Variants in STK3 observed in about 807,000 individuals in gnomAD.
The protein encoded by STK3 is serine/threonine-protein kinase 3.
STK3 carries 41 observed loss-of-function variants against 58.0 expected under a neutral mutation model. That is an observed-to-expected ratio of 0.71 (90% CI 0.55 to 0.92). STK3 has a LOEUF of 0.92. STK3 is among the 40% of genes least tolerant of loss of function. The pLI is 0.00. For missense variants in STK3, 479 were observed against 602.7 expected (o/e 0.79, Z 2.15); for synonymous variants, 170 against 191.0 (o/e 0.89, Z 0.91).
chr8:98,941,220 T>C (rs1193924989), intron 1 of STK3, among the ~76,000 whole-genome samples: 3 of 152,226 alleles, frequency 2.0e-5, no homozygotes, highest in Admixed American at 6.5e-5. Flanking sequence ...GACGCGCTGT[T>C]TTAAAAGATA....
chr8:98,463,312 C>T (rs1254593618), intron 10 of STK3, among the ~76,000 whole-genome samples: 1 of 151,782 alleles, frequency 6.6e-6, no homozygotes, highest in East Asian at 1.9e-4. Flanking sequence ...TAGTGATAGC[C>T]CTTGATAATT....
chr8:98,840,219 A>G (rs1835913257), intron 3 of STK3, among the ~76,000 whole-genome samples: 1 of 151,586 alleles, frequency 6.6e-6, no homozygotes, highest in Non-Finnish European at 1.5e-5. Context: ...ATAGTGGTGC[A>G]TATCAGTAAT....
intron 3 of STK3, among the ~76,000 whole-genome samples, chr8:98,876,602 C>A (rs544034825): frequency 1.2e-3 from 182 of 152,230 alleles, no homozygotes; most frequent in African/African-American, 3.7e-3. Context: ...CACTACACTG[C>A]GGCTCCACAA....
chr8:98,940,222 C>G (rs1022810958), intron 1 of STK3, among the ~76,000 whole-genome samples: 2 of 152,222 alleles, frequency 1.3e-5, no homozygotes, highest in Admixed American at 1.3e-4. Flanking sequence ...GCCCGCTCCT[C>G]CCCCGGGACC....
chr8:98,822,687 T>A, intron 1 of STK3, among the ~76,000 whole-genome samples: 1 of 151,994 alleles, frequency 6.6e-6, no homozygotes, highest in East Asian at 1.9e-4. Flanking sequence ...AAAGGAAAAA[T>A]GTGAATAAAG....
upstream of STK3, among the ~76,000 whole-genome samples, chr8:98,826,904 T>TCC (rs574788671): frequency 1.2e-4 from 16 of 138,964 alleles, no homozygotes; most frequent in East Asian, 3.0e-3. Context: ...GCGCCTGTAC[T>TCC]CCCAGCTGCT....
intron 3 of STK3, among the ~76,000 whole-genome samples, chr8:98,844,707 C>T (rs969712929): frequency 4.6e-5 from 7 of 152,122 alleles, no homozygotes; most frequent in African/African-American, 1.7e-4. Context: ...CTCAAGGTAT[C>T]CTCCTGCCTC....
chr8:98,523,429 C>T (rs1170758015), intron 10 of STK3, among the ~76,000 whole-genome samples: 5 of 148,098 alleles, frequency 3.4e-5, no homozygotes, highest in African/African-American at 1.3e-4. Flanking sequence ...GGCTGGAGTG[C>T]AATGGCACGA....
intron 1 of STK3, among the ~76,000 whole-genome samples, chr8:98,801,441 A>C (rs950322654): frequency 6.6e-6 from 1 of 151,580 alleles, no homozygotes; most frequent in Non-Finnish European, 1.5e-5. Flanking sequence ...ATTGCTGCTC[A>C]CTCTTTGGGT....
intron 10 of STK3, among the ~76,000 whole-genome samples, chr8:98,456,991 C>A (rs1337498422): frequency 6.6e-6 from 1 of 151,900 alleles, no homozygotes; most frequent in Non-Finnish European, 1.5e-5. Flanking sequence ...GAAGGAAATT[C>A]AAAAAAGGAG....
At chr8:98,904,953 G>A in intron 1 of STK3, 1 of 713,392 alleles carries the variant, frequency 1.4e-6, no homozygotes, top group Non-Finnish European at 2.6e-6. Flanking sequence ...TGCAGAAGCT[G>A]CTGCCGCTGC....
chr8:98,369,729 C>T (rs1451052720), downstream of STK3, among the ~76,000 whole-genome samples: 1 of 152,150 alleles, frequency 6.6e-6, no homozygotes, highest in Admixed American at 6.5e-5. Context: ...TGAGTCACTC[C>T]ATGGAGACGG....
In STK3 at chr8:98,737,449, T is replaced by A. The variant is rs932116483; in HGVS notation, c.351+11827A>T. On this transcript the variant is annotated intron_variant, in intron 4 of 10. Transcript: ENST00000419617. Reference sequence around the variant, plus strand: ...GAATAATACAAAATGTCACACAGGATTATTAACTGGATTACAAAAAAGGTA... The same window carrying A: ...GAATAATACAAAATGTCACACAGGAATATTAACTGGATTACAAAAAAGGTA... 9.9e-5 allele frequency among the ~76,000 whole-genome samples: 15 copies of A among 152,108 alleles called. No homozygotes were observed. In the East Asian group the frequency reaches 1.4e-3, roughly 14 times the overall value.
chr8:98,858,171 C>T (rs556033576), intron 3 of STK3, among the ~76,000 whole-genome samples: 22 of 150,972 alleles, frequency 1.5e-4, no homozygotes, highest in Admixed American at 1.5e-3. Flanking sequence ...CACTTGAGAT[C>T]AGGAGTTCGA....
chr8:98,490,080 T>A (rs978220057), intron 10 of STK3, among the ~76,000 whole-genome samples: 1 of 152,226 alleles, frequency 6.6e-6, no homozygotes, highest in Non-Finnish European at 1.5e-5. Context: ...AGTTTATTTC[T>A]TATAGTTAGT....
At chr8:98,864,197 CAAAAAAAA>C (rs35196007) in intron 3 of STK3, among the ~76,000 whole-genome samples, 9 of 37,446 alleles carry the variant, frequency 2.4e-4, no homozygotes, top group African/African-American at 1.1e-3. Context: ...GACTCCTTCT[CAAAAAAAA>C]AAAAAAAAAA....
chr8:98,373,524 AG>A (rs1817633953), intron 2 of STK3, among the ~76,000 whole-genome samples: 1 of 152,160 alleles, frequency 6.6e-6, no homozygotes, highest in Admixed American at 6.5e-5. Context: ...TGTGTAAGGC[AG>A]GTACTATTTT....
chr8:98,472,448 GA>G (rs1468636869), intron 10 of STK3, among the ~76,000 whole-genome samples: 1 of 152,180 alleles, frequency 6.6e-6, no homozygotes, highest in Admixed American at 6.5e-5. Context: ...CACAGAGCCT[GA>G]GACCTAATAT....
chr8:98,422,646 C>G (rs113778397), intron 3 of STK3, among the ~76,000 whole-genome samples: 3 of 152,166 alleles, frequency 2.0e-5, no homozygotes, highest in African/African-American at 7.2e-5. Flanking sequence ...AGGGAGGCGA[C>G]GACAAAGGCA....
Sources: allele counts gnomAD v4.1 joint callset (sites outside exome capture counted in the v4.1 genomes callset), GRCh38; gene constraint gnomAD v4.1.1; transcripts MANE v1.5; gene names NCBI Gene and HGNC (gene_info 2026-07-23, HGNC 2026-07-21).